The following FILIP1L variants were observed in gnomAD, a reference collection of about 807,000 sequenced individuals.
FILIP1L encodes filamin A-interacting protein 1-like.
FILIP1L carries 55 observed loss-of-function variants against 96.6 expected under a neutral mutation model. That is an observed-to-expected ratio of 0.57 (90% confidence interval 0.46 to 0.71). The LOEUF is 0.71. Ranked by LOEUF, FILIP1L falls within the 30% of genes least tolerant of loss-of-function variation. FILIP1L has a pLI of 0.00. For missense variants in FILIP1L, 1,304 were observed against 1,321.2 expected, an observed-to-expected ratio of 0.99 and a Z score of 0.20; for synonymous variants, 467 against 473.9, an observed-to-expected ratio of 0.99 and a Z score of 0.19.
intron 4 of FILIP1L, among the ~76,000 whole-genome samples, chr3:99,876,873 A>T (rs879902348): frequency 2.6e-5 from 4 of 152,162 alleles, no homozygotes; most frequent in Non-Finnish European, 5.9e-5. Context: ...CAGGGAAAAA[A>T]TTTTTAAAGA....
intron 4 of FILIP1L, among the ~76,000 whole-genome samples, chr3:99,901,625 G>T (rs749134788): frequency 3.3e-5 from 5 of 152,172 alleles, no homozygotes. Context: ...AAATATCAGC[G>T]ATGTGTATTC....
chr3:99,907,239 C>A (rs1706647666), intron 4 of FILIP1L, among the ~76,000 whole-genome samples: 2 of 151,864 alleles, frequency 1.3e-5, no homozygotes, highest in South Asian at 4.2e-4. Flanking sequence ...ACCTATTACC[C>A]TTTTAATTTT....
chr3:100,007,952 CT>C (rs1710036379), intron 1 of FILIP1L, among the ~76,000 whole-genome samples: 1 of 152,094 alleles, frequency 6.6e-6, no homozygotes. Context: ...TCCTAATTTT[CT>C]TGCAAATTTG....
At chr3:100,012,761 CTT>C (rs35737304) in intron 1 of FILIP1L, among the ~76,000 whole-genome samples, 58 of 93,536 alleles carry the variant, frequency 6.2e-4, no homozygotes, top group Middle Eastern at 5.3e-3. Context: ...GAAGCATATT[CTT>C]TTTTTTTTTT....
rs372620212 is a variant in FILIP1L, at chr3:99,834,890, A to T, written c.3382-4285T>A. ...CTCAGTTTCCTCTTTTGTAATCTTC[A>T]TCTGGGGATTGAAATACCTACTTGT... On this transcript the variant is annotated intron_variant, in intron 5 of 5. Transcript: ENST00000477258. 1.2e-4 allele frequency among the ~76,000 whole-genome samples: 18 copies of T among 152,234 alleles called. No individual in the cohort carries two copies. The East Asian group carries it at 1.9e-3, about 16-fold the overall frequency.
intron 5 of FILIP1L, chr3:99,833,236 CA>C (rs1462043101): frequency 1.2e-6 from 2 of 1,612,116 alleles, no homozygotes; most frequent in Admixed American, 3.3e-5. Flanking sequence ...ATGTTGAGTT[CA>C]ATGAGGCAGA....
chr3:99,952,643 G>A (rs1381454634), intron 1 of FILIP1L, among the ~76,000 whole-genome samples: 1 of 152,128 alleles, frequency 6.6e-6, no homozygotes, highest in Non-Finnish European at 1.5e-5. Context: ...TACACACAGA[G>A]AGAAAGAGAG....
At chr3:99,868,087 T>C (rs1944610131) in intron 4 of FILIP1L, among the ~76,000 whole-genome samples, 1 of 152,292 alleles carries the variant, frequency 6.6e-6, no homozygotes, top group South Asian at 2.1e-4. Context: ...TGTGGGTGCA[T>C]GGTAAAACAG....
chr3:99,932,552 G>A (rs1190854096), intron 1 of FILIP1L, among the ~76,000 whole-genome samples: 4 of 151,814 alleles, frequency 2.6e-5, no homozygotes, highest in East Asian at 3.9e-4. Flanking sequence ...CTTGTGTTAG[G>A]TGATAAGAAT....
chr3:100,007,611 G>A (rs566588547), intron 1 of FILIP1L, among the ~76,000 whole-genome samples: 1 of 152,250 alleles, frequency 6.6e-6, no homozygotes, highest in South Asian at 2.1e-4. Flanking sequence ...CCCAGAATTG[G>A]CCCAGAAAGT....
intron 1 of FILIP1L, among the ~76,000 whole-genome samples, chr3:100,060,593 A>T (rs916205323): frequency 1.3e-5 from 2 of 152,080 alleles, no homozygotes; most frequent in Non-Finnish European, 2.9e-5. Context: ...AGTGGCTCAC[A>T]CCTGTAATCC....
intron 4 of FILIP1L, among the ~76,000 whole-genome samples, chr3:99,889,557 A>T (rs938537612): frequency 9.9e-5 from 15 of 151,950 alleles, no homozygotes; most frequent in Non-Finnish European, 2.1e-4. Flanking sequence ...TTTTAGCAGG[A>T]TCATTTTGTC....
intron 1 of FILIP1L, among the ~76,000 whole-genome samples, chr3:100,036,709 A>G (rs776075033): frequency 2.2e-4 from 33 of 152,226 alleles, no homozygotes; most frequent in Non-Finnish European, 4.3e-4. Flanking sequence ...ATATTTACAT[A>G]TCTCAAAGAA....
At chr3:100,035,776 C>T (rs2065097502) in intron 1 of FILIP1L, among the ~76,000 whole-genome samples, 1 of 152,088 alleles carries the variant, frequency 6.6e-6, no homozygotes, top group African/African-American at 2.4e-5. Flanking sequence ...GAAAGAATCC[C>T]CATGTGCTCA....
At position 99,829,098 on chromosome 3, in the gene FILIP1L, T is replaced by G. The variant is rs1350278583; in HGVS notation, c.*1316A>C. 6.6e-6 allele frequency among the ~76,000 whole-genome samples: 1 copy of G among 152,168 alleles called. No individual in the cohort carries two copies. The highest frequency in any genetic ancestry group is 2.4e-5 in the African/African-American group (1 of 41,440). ...TAAGTATGGGGAATGGGAGTTCCTT[T>G]ACTCTTGCTCTGCTGGCTCCAACCC... On this transcript the variant is annotated 3_prime_UTR_variant, in exon 6 of 6. Coordinates refer to ENST00000477258, the MANE Select transcript of FILIP1L (RefSeq NM_001387850.1).
At chr3:100,067,094 T>G (rs2065679180) in intron 1 of FILIP1L, among the ~76,000 whole-genome samples, 1 of 152,190 alleles carries the variant, frequency 6.6e-6, no homozygotes, top group African/African-American at 2.4e-5. Context: ...CTGAGATGCA[T>G]GTTCCCAGGG....
chr3:99,991,736 T>A (rs1709516159), intron 1 of FILIP1L, among the ~76,000 whole-genome samples: 1 of 151,886 alleles, frequency 6.6e-6, no homozygotes, highest in African/African-American at 2.4e-5. Flanking sequence ...TCAGTGAGGA[T>A]AATGGCCTCC....
intron 1 of FILIP1L, among the ~76,000 whole-genome samples, chr3:99,947,993 A>G (rs1708059789): frequency 1.3e-5 from 2 of 152,252 alleles, no homozygotes; most frequent in Admixed American, 1.3e-4. Flanking sequence ...ATTTCAAACA[A>G]AATTAAAAGC....
intron 1 of FILIP1L, among the ~76,000 whole-genome samples, chr3:100,002,989 G>A (rs1483163720): frequency 6.6e-6 from 1 of 152,188 alleles, no homozygotes; most frequent in Non-Finnish European, 1.5e-5. Flanking sequence ...GATGAAGAAA[G>A]GGCAGAGGAG....
Sources: allele counts gnomAD v4.1 joint callset (sites outside exome capture counted in the v4.1 genomes callset), GRCh38; gene constraint gnomAD v4.1.1; transcripts MANE v1.5; gene names NCBI Gene and HGNC (gene_info 2026-07-23, HGNC 2026-07-21).